Variants in VAV3 observed in about 807,000 individuals in gnomAD.
The protein encoded by VAV3 is guanine nucleotide exchange factor VAV3.
A neutral mutation model predicts 131.2 loss-of-function variants in VAV3; 94 were observed. That is an observed-to-expected ratio of 0.72 (90% CI 0.61 to 0.85). VAV3 has a LOEUF of 0.85. VAV3 is among the 40% of genes least tolerant of loss of function. The pLI is 0.00. For missense variants in VAV3, 939 were observed against 1,002.7 expected (o/e 0.94, Z 0.86); for synonymous variants, 349 against 342.0 (o/e 1.02, Z -0.22).
At chr1:107,938,570 C>T (rs1280054165) in intron 1 of VAV3, among the ~76,000 whole-genome samples, 1 of 152,120 alleles carries the variant, frequency 6.6e-6, no homozygotes, top group Non-Finnish European at 1.5e-5. Flanking sequence ...ATTAGGATGT[C>T]AGAACAATCC....
intron 1 of VAV3, among the ~76,000 whole-genome samples, chr1:107,892,094 G>T (rs989271870): frequency 3.3e-5 from 5 of 152,050 alleles, no homozygotes; most frequent in Non-Finnish European, 5.9e-5. Context: ...TATAAATCAT[G>T]AAATACAAAT....
chr1:107,795,511 C>G (rs1027898635), intron 2 of VAV3, among the ~76,000 whole-genome samples: 6 of 152,116 alleles, frequency 3.9e-5, no homozygotes, highest in Non-Finnish European at 5.9e-5. Flanking sequence ...TATCTTCTCT[C>G]TTAACCTATC....
chr1:107,574,240 G>T (rs780074534), intron 25 of VAV3, 42 bp from the exon 26 acceptor site: 6 of 1,598,584 alleles, frequency 3.8e-6, no homozygotes, highest in Non-Finnish European at 5.1e-6. Flanking sequence ...TTTGCAGTTC[G>T]TTAACAACCA....
At chr1:107,737,361 C>T (rs1350000198) in intron 15 of VAV3, among the ~76,000 whole-genome samples, 2 of 151,938 alleles carry the variant, frequency 1.3e-5, no homozygotes, top group African/African-American at 2.4e-5. Context: ...AAATGGGATC[C>T]AATTAAACTA....
At chr1:107,840,240 G>A (rs1347699173) in intron 2 of VAV3, among the ~76,000 whole-genome samples, 4 of 152,192 alleles carry the variant, frequency 2.6e-5, no homozygotes, top group African/African-American at 4.8e-5. Flanking sequence ...AGTGTTAGCA[G>A]TGTAAATCAC....
chr1:107,805,923 C>A (rs1201976113), intron 2 of VAV3, among the ~76,000 whole-genome samples: 8 of 152,126 alleles, frequency 5.3e-5, no homozygotes, highest in Non-Finnish European at 5.9e-5. Flanking sequence ...TGCTACTAGT[C>A]CCAAATGAGG....
At chr1:107,731,702 G>A (rs150820260) in intron 15 of VAV3, among the ~76,000 whole-genome samples, 125 of 152,218 alleles carry the variant, frequency 8.2e-4, no homozygotes, top group African/African-American at 2.9e-3. Context: ...GAGGCAGTCC[G>A]TCCCTCATCA....
At chr1:107,881,070 A>G (rs936683308) in intron 1 of VAV3, among the ~76,000 whole-genome samples, 6 of 152,196 alleles carry the variant, frequency 3.9e-5, no homozygotes, top group Non-Finnish European at 8.8e-5. Flanking sequence ...TTCTGGCTAC[A>G]GGGCCCATAT....
chr1:107,718,044 A>G (rs1233594941), intron 15 of VAV3, among the ~76,000 whole-genome samples: 1 of 151,924 alleles, frequency 6.6e-6, no homozygotes, highest in Non-Finnish European at 1.5e-5. Context: ...TGTTTCATTG[A>G]TGGAACGTAT....
rs762325019 is a variant in VAV3, at chr1:107,777,322, CA to C, written c.381-27del. The C allele has an allele frequency of 3.7e-6, 6 of 1,604,484 alleles. No homozygotes were observed. The African/African-American group carries it at 4.0e-5, about 11-fold the overall frequency. On this transcript the variant is annotated intron_variant, in intron 3 of 26. Coordinates refer to ENST00000370056, the MANE Select transcript of VAV3 (RefSeq NM_006113.5). ...CTAGGAAGAGGAGAAAAAACAAAAA[CA>C]AAAAAACAAACCCATGAGTGAACGA... is the stretch of plus-strand genomic sequence containing the variant.
intron 20 of VAV3, among the ~76,000 whole-genome samples, chr1:107,632,366 C>T (rs1221451299): frequency 6.6e-6 from 1 of 152,134 alleles, no homozygotes; most frequent in Non-Finnish European, 1.5e-5. Context: ...GTAAGCACTG[C>T]TCTGGTATAG....
intron 21 of VAV3, among the ~76,000 whole-genome samples, chr1:107,612,153 C>CACAT (rs747530664): frequency 1.4e-5 from 2 of 147,614 alleles, no homozygotes; most frequent in Admixed American, 1.4e-4. Context: ...TACACACACA[C>CACAT]ACATACATAC....
intron 24 of VAV3, among the ~76,000 whole-genome samples, chr1:107,596,571 A>T (rs1007255010): frequency 1.3e-5 from 2 of 151,942 alleles, no homozygotes; most frequent in Non-Finnish European, 2.9e-5. Flanking sequence ...GTTACCCCCT[A>T]TTGTTATTCA....
chr1:107,704,689 C>T, intron 16 of VAV3, 39 bp from the exon 17 acceptor site: 1 of 1,504,700 alleles, frequency 6.6e-7, no homozygotes, highest in Non-Finnish European at 9.2e-7. Context: ...TTAAACGGTG[C>T]AAAATTCTGC....
intron 25 of VAV3, among the ~76,000 whole-genome samples, chr1:107,588,421 T>C (rs1650673165): frequency 6.6e-6 from 1 of 152,182 alleles, no homozygotes; most frequent in Non-Finnish European, 1.5e-5. Context: ...CTTAAAATTG[T>C]CAAATGAGGC....
At chr1:107,715,273 A>G (rs910707703) in intron 15 of VAV3, among the ~76,000 whole-genome samples, 3 of 152,154 alleles carry the variant, frequency 2.0e-5, no homozygotes, top group Non-Finnish European at 4.4e-5. Context: ...TGTGCATTTT[A>G]ATAAATAAAT....
At chr1:107,683,620 G>T in intron 18 of VAV3, 87 bp from the exon 19 acceptor site, 1 of 1,275,932 alleles carries the variant, frequency 7.8e-7, no homozygotes, top group Non-Finnish European at 1.1e-6. Flanking sequence ...ACTTTGGAAA[G>T]CAAATGAATG....
intron 20 of VAV3, among the ~76,000 whole-genome samples, chr1:107,622,224 G>GT (rs1653661773): frequency 6.6e-6 from 1 of 152,044 alleles, no homozygotes; most frequent in Admixed American, 6.6e-5. Context: ...CTGACCTTAG[G>GT]TTTTAACTAT....
chr1:107,665,091 T>C (rs537339795), intron 19 of VAV3, among the ~76,000 whole-genome samples: 2 of 152,280 alleles, frequency 1.3e-5, no homozygotes, highest in African/African-American at 4.8e-5. Flanking sequence ...GGCCATGCTG[T>C]CTCTCCTTTA....
Sources: allele counts gnomAD v4.1 joint callset (sites outside exome capture counted in the v4.1 genomes callset), GRCh38; gene constraint gnomAD v4.1.1; transcripts MANE v1.5; gene names NCBI Gene and HGNC (gene_info 2026-07-23, HGNC 2026-07-21).